FTO: variants seen among roughly 807,000 people sequenced by gnomAD.
The protein encoded by FTO is alpha-ketoglutarate-dependent dioxygenase FTO.
In FTO, 47 loss-of-function variants were observed where a neutral mutation model predicts 63.9. That is an observed-to-expected ratio of 0.74 (90% CI 0.58 to 0.94). FTO has a LOEUF of 0.94. FTO is among the 40% of genes least tolerant of loss of function. The probability of loss-of-function intolerance (pLI) is 0.00; values close to 1 mark genes in which losing one functional copy is unlikely to be tolerated. For missense variants in FTO, 562 were observed against 618.1 expected (o/e 0.91, Z 0.96); for synonymous variants, 207 against 224.4 (o/e 0.92, Z 0.69).
At chr16:53,970,714 A>G (rs2083298593) in intron 8 of FTO, among the ~76,000 whole-genome samples, 1 of 152,042 alleles carries the variant, frequency 6.6e-6, no homozygotes, top group Admixed American at 6.6e-5. Context: ...AACAGTTATT[A>G]CCTTACAGAG....
intron 8 of FTO, among the ~76,000 whole-genome samples, chr16:53,969,273 C>T (rs752423184): frequency 1.2e-4 from 18 of 152,112 alleles, no homozygotes; most frequent in Non-Finnish European, 1.9e-4. Context: ...AATTAAAGGA[C>T]AGCATTTGTC....
At chr16:53,847,769 A>C (rs2079671736) in intron 4 of FTO, among the ~76,000 whole-genome samples, 1 of 136,794 alleles carries the variant, frequency 7.3e-6, no homozygotes, top group Non-Finnish European at 1.6e-5. Flanking sequence ...ATTCCATCTC[A>C]AAAAAAAAAA....
intron 8 of FTO, among the ~76,000 whole-genome samples, chr16:54,100,570 G>A (rs1194547360): frequency 6.6e-6 from 1 of 152,106 alleles, no homozygotes; most frequent in African/African-American, 2.4e-5. Context: ...GCCCAGGCTG[G>A]TCTTGAACTC....
intron 1 of FTO, among the ~76,000 whole-genome samples, chr16:53,726,527 A>G (rs2076157307): frequency 1.3e-5 from 2 of 152,194 alleles, no homozygotes; most frequent in African/African-American, 4.8e-5. Flanking sequence ...ACCATGGCTG[A>G]GGAGTTATGC....
chr16:54,106,798 T>C (rs938106298), intron 8 of FTO, among the ~76,000 whole-genome samples: 8 of 136,440 alleles, frequency 5.9e-5, no homozygotes, highest in Non-Finnish European at 1.1e-4. Flanking sequence ...AATAAATATA[T>C]AATTACATAT....
intron 5 of FTO, among the ~76,000 whole-genome samples, chr16:53,877,731 A>G (rs75746558): frequency 7.7e-6 from 1 of 129,386 alleles, no homozygotes; most frequent in African/African-American, 3.2e-5. Flanking sequence ...AGCTGTTACC[A>G]AAAAAAAAAA....
At chr16:53,925,904 G>A (rs985919186) in intron 7 of FTO, among the ~76,000 whole-genome samples, 3 of 152,044 alleles carry the variant, frequency 2.0e-5, no homozygotes, top group Non-Finnish European at 2.9e-5. Context: ...AAAATTCAAG[G>A]CTCCTTAGAG....
intron 7 of FTO, among the ~76,000 whole-genome samples, chr16:53,910,520 G>T (rs1361383217): frequency 1.3e-5 from 2 of 152,130 alleles, no homozygotes; most frequent in African/African-American, 4.8e-5. Context: ...ATTAAAAGGG[G>T]TGGTAAATTC....
chr16:53,837,522 A>C (rs1471580531), intron 3 of FTO, among the ~76,000 whole-genome samples: 1 of 151,410 alleles, frequency 6.6e-6, no homozygotes, highest in African/African-American at 2.4e-5. Context: ...TTTTTTTCTC[A>C]CCCCTTCAGA....
intron 1 of FTO, among the ~76,000 whole-genome samples, chr16:53,770,426 T>G (rs931072414): frequency 6.6e-6 from 1 of 152,190 alleles, no homozygotes; most frequent in Admixed American, 6.5e-5. Flanking sequence ...CAAATTATTT[T>G]GCATTGCAGA....
At chr16:54,101,548 T>C (rs1284785472) in intron 8 of FTO, among the ~76,000 whole-genome samples, 2 of 152,244 alleles carry the variant, frequency 1.3e-5, no homozygotes, top group Non-Finnish European at 2.9e-5. Context: ...GTATATTTTC[T>C]TTATTTAATC....
At chr16:54,041,286 C>T (rs1286510906) in intron 8 of FTO, among the ~76,000 whole-genome samples, 1 of 151,984 alleles carries the variant, frequency 6.6e-6, no homozygotes, top group Non-Finnish European at 1.5e-5. Context: ...AGGGGGAAAC[C>T]ACCACTTTTA....
intron 4 of FTO, among the ~76,000 whole-genome samples, chr16:53,859,568 A>G (rs1196298671): frequency 6.7e-6 from 1 of 149,848 alleles, no homozygotes; most frequent in East Asian, 1.9e-4. Flanking sequence ...TATATATCAT[A>G]TATAACTCAT....
At chr16:53,736,334 C>A (rs575068113) in intron 1 of FTO, among the ~76,000 whole-genome samples, 1 of 151,088 alleles carries the variant, frequency 6.6e-6, no homozygotes, top group Non-Finnish European at 1.5e-5. Flanking sequence ...TGCACATGTA[C>A]CCTAGGACTT....
intron 4 of FTO, among the ~76,000 whole-genome samples, chr16:53,859,070 C>T (rs1462775045): frequency 6.6e-6 from 1 of 151,992 alleles, no homozygotes; most frequent in Non-Finnish European, 1.5e-5. Flanking sequence ...CAGAGTATAG[C>T]GAGTTGGGGA....
At chr16:53,986,265 G>A (rs1017717317) in intron 8 of FTO, among the ~76,000 whole-genome samples, 1 of 152,138 alleles carries the variant, frequency 6.6e-6, no homozygotes, top group Non-Finnish European at 1.5e-5. Flanking sequence ...AATAGACAGG[G>A]AAAACCTGAG....
chr16:54,090,895 G>A (rs1172435574), intron 8 of FTO, among the ~76,000 whole-genome samples: 9 of 152,164 alleles, frequency 5.9e-5, no homozygotes, highest in African/African-American at 1.2e-4. Context: ...CTTTCTCCTT[G>A]TAGTCTCAGG....
chr16:53,719,253 CTTTTTTTTTTT>C (rs10527186), intron 1 of FTO, among the ~76,000 whole-genome samples: 13 of 135,700 alleles, frequency 9.6e-5, no homozygotes, highest in South Asian at 2.6e-4. Flanking sequence ...TCTTCTTCTT[CTTTTTTTTTTT>C]TTTTTTTTTT....
intron 3 of FTO, among the ~76,000 whole-genome samples, chr16:53,830,402 C>T (rs1310710412): frequency 6.6e-6 from 1 of 152,170 alleles, no homozygotes; most frequent in Non-Finnish European, 1.5e-5. Context: ...TTAATATGGT[C>T]CAGCACCTTG....
Sources: gnomAD v4.1 joint callset for allele counts (sites outside exome capture counted in the v4.1 genomes callset) on GRCh38, gnomAD v4.1.1 for gene constraint, MANE v1.5 for transcripts, NCBI Gene and HGNC (gene_info 2026-07-23, HGNC 2026-07-21) for gene names.